The following CDH6 variants were observed in gnomAD, a reference collection of about 807,000 sequenced individuals.
The protein encoded by CDH6 is cadherin-6.
In CDH6, 31 loss-of-function variants were observed where a neutral mutation model predicts 78.0. The observed-to-expected ratio is 0.40, with a 90% CI of 0.30 to 0.54. The LOEUF is 0.54. Among genes scored for constraint, CDH6 ranks in the 20% least tolerant of loss-of-function variants. The pLI is 0.56. For synonymous variants in CDH6, 376 were observed against 368.8 expected (o/e 1.02, Z -0.23); for missense variants, 724 against 975.9 (o/e 0.74, Z 3.44).
chr5:31,244,916 G>GC (rs779984118), intron 1 of CDH6, among the ~76,000 whole-genome samples: 1 of 152,132 alleles, frequency 6.6e-6, no homozygotes, highest in African/African-American at 2.4e-5. Flanking sequence ...CATATACTGA[G>GC]CCCCCCACAA....
chr5:31,201,076 C>T (rs544316787), intron 1 of CDH6, among the ~76,000 whole-genome samples: 6 of 151,990 alleles, frequency 3.9e-5, no homozygotes, highest in Non-Finnish European at 7.4e-5. Context: ...AATGTTATTG[C>T]TTTTTATCAT....
rs141261814 is a variant in CDH6 at position 31,245,661 on chromosome 5, T to C, written c.-128-21685T>C. ...GAAAACTAATATAAACCATGATTAT[T>C]CCTCATCATGGATTTTTATCTACAA... On this transcript the variant is annotated intron_variant, in intron 1 of 11. Transcript: ENST00000265071. Among the ~76,000 whole-genome samples the C allele has an allele frequency of 2.7e-3, 408 of 152,278 alleles. 6 individuals are homozygous for C. Among genetic ancestry groups the C allele is most frequent in the African/African-American group, 9.7e-3 (401 of 41,552 alleles).
intron 2 of CDH6, among the ~76,000 whole-genome samples, chr5:31,281,301 AAGAG>A (rs894665233): frequency 6.1e-5 from 9 of 146,458 alleles, no homozygotes; most frequent in African/African-American, 1.8e-4. Context: ...GTCAAAGAGA[AAGAG>A]AGAGAGAGGG....
Position 31,267,349 on chromosome 5 carries a change from T to A in CDH6, c.-125T>A, listed in dbSNP as rs968360638. 3 of 675,868 alleles carry A rather than the reference T, an allele frequency of 4.4e-6. No homozygotes were observed. The African/African-American group carries it at 5.4e-5, about 12-fold the overall frequency. The allele number at this position is 675,868 out of a possible 1,614,324, so 41.9% of individuals were successfully genotyped here. ...GTTATGTTATTATTCTTTCCAGATATCCTCTGAGAGCCAAGCAAAGAACAT... is the reference window on the plus strand; with the variant it reads ...GTTATGTTATTATTCTTTCCAGATAACCTCTGAGAGCCAAGCAAAGAACAT... On this transcript the variant is annotated 5_prime_UTR_variant, in exon 2 of 12. Coordinates refer to ENST00000265071, the MANE Select transcript of CDH6 (RefSeq NM_004932.4).
At chr5:31,201,837 T>C (rs1740357263) in intron 1 of CDH6, among the ~76,000 whole-genome samples, 1 of 152,182 alleles carries the variant, frequency 6.6e-6, no homozygotes, top group Non-Finnish European at 1.5e-5. Context: ...AGCCATTTAA[T>C]GAAAAGGTAT....
Position 31,319,402 on chromosome 5 carries a change from A to G in CDH6, c.1882+1478A>G, listed in dbSNP as rs1207764466. Among the ~76,000 whole-genome samples the G allele has an allele frequency of 2.6e-5, 4 of 152,224 alleles. 1 individual carries two copies. Among genetic ancestry groups the G allele is most frequent in the Admixed American group, 2.0e-4 (3 of 15,290 alleles). On this transcript the variant is annotated intron_variant, in intron 11 of 11. Coordinates refer to ENST00000265071, the MANE Select transcript of CDH6 (RefSeq NM_004932.4). ...GGGATTTAGCCTTTGTTAGGTATAC[A>G]CCATAGGTCAGATGCTGTGCAAGAT... is the stretch of plus-strand genomic sequence containing the variant.
chr5:31,196,601 G>C (rs1740174330), intron 1 of CDH6, among the ~76,000 whole-genome samples: 1 of 152,140 alleles, frequency 6.6e-6, no homozygotes, highest in Non-Finnish European at 1.5e-5. Context: ...AATGGATTTT[G>C]TTACCTAAGA....
At chr5:31,275,398 C>T (rs943608785) in intron 2 of CDH6, among the ~76,000 whole-genome samples, 3 of 152,138 alleles carry the variant, frequency 2.0e-5, no homozygotes, top group African/African-American at 7.2e-5. Context: ...TGTTGCCATC[C>T]TTACGTCCAT....
chr5:31,231,544 G>A (rs909685137), intron 1 of CDH6, among the ~76,000 whole-genome samples: 5 of 152,192 alleles, frequency 3.3e-5, no homozygotes, highest in African/African-American at 1.2e-4. Context: ...AGGTCAAGGG[G>A]ACATATCTGG....
At position 31,322,925 on chromosome 5, in the gene CDH6, G is replaced by T; in HGVS notation, c.1990G>T (p.Gly664Cys). The T allele has an allele frequency of 6.2e-7, 1 of 1,614,176 alleles. No individual in the cohort carries two copies. The highest frequency in any genetic ancestry group is 8.5e-7 in the Non-Finnish European group (1 of 1,180,020). Residue 664 changes from glycine to cysteine, a missense_variant, in exon 12 of 12, where the codon GGT becomes TGT. Gly to Cys is a radical substitution (Grantham distance 159). Transcript: ENST00000265071. ...CATTGTCAGTTACAACGACGAAGGTGGTGGAGAGGAGGACACCCAGGCTTT... is the reference window on the plus strand; with the variant it reads ...CATTGTCAGTTACAACGACGAAGGTTGTGGAGAGGAGGACACCCAGGCTTT... ...DNIVSYNDEG[G>C]GEEDTQAFDI...
chr5:31,296,462 C>A (rs1737603447), intron 3 of CDH6, among the ~76,000 whole-genome samples: 1 of 152,064 alleles, frequency 6.6e-6, no homozygotes, highest in Admixed American at 6.6e-5. Flanking sequence ...AATGTAATAG[C>A]CTTCTTTGTA....
At chr5:31,195,278 G>A (rs1461118991) in intron 1 of CDH6, among the ~76,000 whole-genome samples, 5 of 152,026 alleles carry the variant, frequency 3.3e-5, no homozygotes, top group Admixed American at 3.3e-4. Flanking sequence ...CAAAATGTGG[G>A]CTTTCTGAGT....
At chr5:31,318,276 T>TG in intron 11 of CDH6, 1 of 528,726 alleles carries the variant, frequency 1.9e-6, no homozygotes, top group Non-Finnish European at 3.4e-6. Context: ...GTTAAGTGTC[T>TG]GGCATGGAGT....
At chr5:31,244,952 G>A (rs1478053927) in intron 1 of CDH6, among the ~76,000 whole-genome samples, 1 of 152,192 alleles carries the variant, frequency 6.6e-6, no homozygotes, top group Non-Finnish European at 1.5e-5. Context: ...GCCAGGCCCA[G>A]AAAATATAAA....
At chr5:31,228,169 T>C (rs376525226) in intron 1 of CDH6, among the ~76,000 whole-genome samples, 2 of 152,296 alleles carry the variant, frequency 1.3e-5, no homozygotes, top group Admixed American at 6.5e-5. Flanking sequence ...CACTGTCCCA[T>C]CTTCTCTGAC....
intron 7 of CDH6, among the ~76,000 whole-genome samples, chr5:31,306,978 A>G (rs1300408833): frequency 6.6e-6 from 1 of 152,178 alleles, no homozygotes; most frequent in African/African-American, 2.4e-5. Context: ...CATTCCAAGA[A>G]GAGAGAAAAG....
chr5:31,291,655 C>G (rs1470095977), intron 2 of CDH6, among the ~76,000 whole-genome samples: 1 of 152,222 alleles, frequency 6.6e-6, no homozygotes, highest in Non-Finnish European at 1.5e-5. Flanking sequence ...GAGCAAGGAT[C>G]CGCCAGGTGG....
intron 2 of CDH6, among the ~76,000 whole-genome samples, chr5:31,280,148 T>C (rs1018790254): frequency 2.0e-5 from 3 of 152,082 alleles, no homozygotes; most frequent in Admixed American, 6.6e-5. Context: ...GGGGAAGGTG[T>C]AGGGTGGGAG....
At chr5:31,253,967 C>T (rs1005358407) in intron 1 of CDH6, among the ~76,000 whole-genome samples, 24 of 152,100 alleles carry the variant, frequency 1.6e-4, no homozygotes, top group Non-Finnish European at 3.1e-4. Flanking sequence ...TTCAGTTACC[C>T]ACAGTCGACC....
Sources: gnomAD v4.1 joint callset for allele counts (sites outside exome capture counted in the v4.1 genomes callset) on GRCh38, gnomAD v4.1.1 for gene constraint, MANE v1.5 for transcripts, NCBI Gene and HGNC (gene_info 2026-07-23, HGNC 2026-07-21) for gene names.